Variants in B4GALNT3 observed in about 807,000 individuals in gnomAD.
B4GALNT3 encodes the protein beta-1,4-N-acetyl-galactosaminyltransferase 3, also known as beta-1,4-N-acetylgalactosaminyltransferase 3.
In B4GALNT3, 86 loss-of-function variants were observed where a neutral mutation model predicts 120.2. The ratio of observed to expected loss-of-function variants is 0.72; its 90% CI spans 0.60 to 0.86. The LOEUF is 0.86. Ranked by LOEUF, B4GALNT3 falls within the 40% of genes least tolerant of loss-of-function variation. B4GALNT3 has a pLI of 0.00. For synonymous variants in B4GALNT3, 518 were observed against 510.4 expected, an observed-to-expected ratio of 1.01 and a Z score of -0.20; for missense variants, 1,167 against 1,298.9, an observed-to-expected ratio of 0.90 and a Z score of 1.56.
chr12:537,886 G>T (rs1451442649), intron 3 of B4GALNT3, among the ~76,000 whole-genome samples: 2 of 152,146 alleles, frequency 1.3e-5, no homozygotes, highest in Non-Finnish European at 2.9e-5. Flanking sequence ...CAGGAGTGAA[G>T]GAGGCAGTAT....
intron 1 of B4GALNT3, among the ~76,000 whole-genome samples, chr12:500,796 G>A (rs141656240): frequency 1.9e-3 from 282 of 149,570 alleles, no homozygotes; most frequent in African/African-American, 6.1e-3. Context: ...CTCAATGCCC[G>A]TATTATGGTG....
Position 549,814 on chromosome 12 carries a change from C to T in B4GALNT3, c.899C>T (p.Thr300Ile), listed in dbSNP as rs1226849380. 4 of 1,613,646 alleles carry T rather than the reference C, an allele frequency of 2.5e-6. No homozygotes were observed. The highest frequency in any genetic ancestry group is 3.4e-6 in the Non-Finnish European group (4 of 1,180,026). ...GATGAGGTGGGCCACATCCCACAGA[C>T]AGCAGCCAGCCACGTGGACTCCTCC... Reference protein sequence around the residue: ...QMDEVGHIPQTAASHVDSSNA... With the variant: ...QMDEVGHIPQIAASHVDSSNA... Residue 300 changes from threonine to isoleucine, a missense_variant, in exon 10 of 20, where the codon ACA becomes ATA. Thr to Ile is a moderately conservative substitution (Grantham distance 89, BLOSUM62 -1). Transcript: ENST00000266383.
chr12:514,792 G>A (rs1172139034), intron 1 of B4GALNT3, among the ~76,000 whole-genome samples: 1 of 151,980 alleles, frequency 6.6e-6, no homozygotes, highest in Non-Finnish European at 1.5e-5. Flanking sequence ...ACTTTGGAAG[G>A]CCAAGGCGGG....
At chr12:510,452 T>A (rs11830324) in intron 1 of B4GALNT3, among the ~76,000 whole-genome samples, 23,404 of 138,596 alleles carry the variant, frequency 0.17, 2,019 homozygotes, top group South Asian at 0.23. Context: ...CATGGGGGGG[T>A]TGGACGCTGG....
rs1946283812 is a variant in B4GALNT3, at chr12:485,654, G to A, written c.169+25109G>A. Reference sequence around the variant, plus strand: ...AGGAAGCTTAAAAAATAACTGAGGCGATACAAGCATATGATTTATCGACAC... The same window carrying A: ...AGGAAGCTTAAAAAATAACTGAGGCAATACAAGCATATGATTTATCGACAC... On this transcript the variant is annotated intron_variant, in intron 1 of 19. Transcript: ENST00000266383. Among the ~76,000 whole-genome samples the A allele has an allele frequency of 3.3e-5, 5 of 152,218 alleles. 1 individual carries two copies. The South Asian group carries it at 8.3e-4, about 25-fold the overall frequency.
Position 558,986 on chromosome 12 carries a change from G to A in B4GALNT3, c.2762-309G>A, listed in dbSNP as rs552604654. 1.3e-4 allele frequency among the ~76,000 whole-genome samples: 20 copies of A among 152,050 alleles called. No homozygotes were observed. The East Asian group carries it at 3.9e-3, about 30-fold the overall frequency. On this transcript the variant is annotated intron_variant, in intron 18 of 19. Coordinates refer to ENST00000266383, the MANE Select transcript of B4GALNT3 (RefSeq NM_173593.4). Reference sequence around the variant, plus strand: ...GATGGGAAAGGTAGCCTCCCTGCCTGTGGAAAGGGAAACGGACATGTAAAC... The same window carrying A: ...GATGGGAAAGGTAGCCTCCCTGCCTATGGAAAGGGAAACGGACATGTAAAC...
At chr12:552,219 C>A in intron 12 of B4GALNT3, 56 bp downstream of exon 12, 1 of 1,473,036 alleles carries the variant, frequency 6.8e-7, no homozygotes, top group Non-Finnish European at 9.5e-7. Flanking sequence ...CTGCGGGAGC[C>A]AGGAGAGCTG....
intron 1 of B4GALNT3, among the ~76,000 whole-genome samples, chr12:491,410 G>C (rs1946338626): frequency 6.6e-6 from 1 of 151,096 alleles, no homozygotes; most frequent in African/African-American, 2.4e-5. Context: ...GCTCACTGCA[G>C]CCTCAACCTT....
intron 1 of B4GALNT3, among the ~76,000 whole-genome samples, chr12:527,590 T>C (rs1353675405): frequency 6.6e-6 from 1 of 152,152 alleles, no homozygotes; most frequent in Non-Finnish European, 1.5e-5. Flanking sequence ...CATCTGCTCA[T>C]CTAGAGGAAC....
At position 553,722 on chromosome 12, in the gene B4GALNT3, A is replaced by G. The variant is rs141761799; in HGVS notation, c.1799A>G (p.Glu600Gly). 315 of 1,614,128 alleles carry G rather than the reference A, an allele frequency of 2.0e-4. No homozygotes were observed. The African/African-American group carries it at 3.8e-3, about 19-fold the overall frequency. ...EEEVVAAAGQ[E>G]GQVEGEEEGE... ...GAAGTGGTGGCGGCCGCAGGCCAGG[A>G]AGGACAAGTGGAGGGAGAGGAAGAG... Residue 600 changes from glutamate (E) to glycine (G), a missense_variant, in exon 14 of 20, where the codon GAA becomes GGA. Around this residue, in one of 3 missense-constraint regions of B4GALNT3, gnomAD observed 983 missense variants for 1,102.5 expected, o/e 0.89. Coordinates refer to ENST00000266383, the MANE Select transcript of B4GALNT3 (RefSeq NM_173593.4).
At chr12:503,440 A>T (rs1339039678) in intron 1 of B4GALNT3, among the ~76,000 whole-genome samples, 2 of 152,174 alleles carry the variant, frequency 1.3e-5, no homozygotes, top group Non-Finnish European at 2.9e-5. Context: ...TCAGCTGTCA[A>T]ATCCTCCGCA....
Position 550,822 on chromosome 12 carries a change from C to A in B4GALNT3, c.998-100C>A. 1 of 958,554 alleles carries A rather than the reference C, an allele frequency of 1.0e-6. No homozygotes were observed. Among genetic ancestry groups the A allele is most frequent in the Non-Finnish European group, 1.6e-6 (1 of 630,636 alleles). The allele number at this position is 958,554 out of a possible 1,614,324, so 59.4% of individuals were successfully genotyped here. On this transcript the variant is annotated intron_variant, in intron 10 of 19. Coordinates refer to ENST00000266383, the MANE Select transcript of B4GALNT3 (RefSeq NM_173593.4). This position sits in a 1 kb window ranked among gnomAD's most constrained non-coding sequence, Gnocchi z 4.1. ...CACAGACGTCGGCAGAACACAGCTG[C>A]CGCTTGCGAATACAGAAAGGGCCCT...
In B4GALNT3 at chr12:546,640, C is replaced by A; in HGVS notation, c.640-6C>A. On this transcript the variant is annotated splice_polypyrimidine_tract_variant and splice_region_variant and intron_variant, in intron 6 of 19. Transcript: ENST00000266383. Reference sequence around the variant, plus strand: ...CTCCCTCCTCTTCTCTCTTCCACACCTCTAGACTGGAAAGGAGTGGACCGC... The same window carrying A: ...CTCCCTCCTCTTCTCTCTTCCACACATCTAGACTGGAAAGGAGTGGACCGC... 2.6e-6 allele frequency: 4 copies of A among 1,551,260 alleles called. No individual in the cohort carries two copies. The highest frequency in any genetic ancestry group is 3.5e-6 in the Non-Finnish European group (4 of 1,146,608).
chr12:543,636 T>C (rs1439940469), intron 3 of B4GALNT3, among the ~76,000 whole-genome samples: 11 of 49,756 alleles, frequency 2.2e-4, no homozygotes, highest in South Asian at 2.2e-3. Context: ...GGTGCTCATC[T>C]TCCCGGAGCT....
At chr12:557,498 C>T (rs762334134) in intron 15 of B4GALNT3, 110 bp from the exon 16 acceptor site, 69 of 1,117,668 alleles carry the variant, frequency 6.2e-5, no homozygotes, top group Non-Finnish European at 6.4e-5. Context: ...TCCCCTCAGC[C>T]GAGGTCCGAT....
At chr12:560,435 G>A (rs1222431663) in intron 19 of B4GALNT3, among the ~76,000 whole-genome samples, 1 of 152,194 alleles carries the variant, frequency 6.6e-6, no homozygotes, top group Non-Finnish European at 1.5e-5. Context: ...TTCCAGATGA[G>A]AAGACTGAGT....
chr12:468,934 A>G (rs7296588), intron 1 of B4GALNT3, among the ~76,000 whole-genome samples: 72,181 of 152,110 alleles, frequency 0.47, 18,384 homozygotes, highest in South Asian at 0.67. Flanking sequence ...GAGAGGTGGG[A>G]GTGGAAATAG....
At chr12:543,594 C>T (rs76457627) in intron 3 of B4GALNT3, among the ~76,000 whole-genome samples, 26 of 90,092 alleles carry the variant, frequency 2.9e-4, no homozygotes, top group South Asian at 4.0e-4. Context: ...GGTGCTCATC[C>T]TCCTGGAGCT....
intron 1 of B4GALNT3, among the ~76,000 whole-genome samples, chr12:511,013 CT>C (rs762032000): frequency 4.1e-4 from 18 of 43,904 alleles, no homozygotes; most frequent in Admixed American, 9.9e-4. Context: ...TTTGCCTATT[CT>C]TTTTTTTTTT....
Sources: allele counts gnomAD v4.1 joint callset (sites outside exome capture counted in the v4.1 genomes callset), GRCh38; gene constraint gnomAD v4.1.1; regional missense constraint gnomAD v4.1.1; non-coding constraint Gnocchi (gnomAD v3.1); transcripts MANE v1.5; gene names NCBI Gene and HGNC (gene_info 2026-07-23, HGNC 2026-07-21).